The following ERF variants were observed in gnomAD, a reference collection of about 807,000 sequenced individuals.
The protein encoded by ERF is ETS2 repressor factor, also known as ETS domain-containing transcription factor ERF.
A neutral mutation model predicts 41.6 loss-of-function variants in ERF; 10 were observed. The ratio of observed to expected loss-of-function variants is 0.24; its 90% CI spans 0.15 to 0.41. The LOEUF (loss-of-function observed/expected upper bound fraction) is 0.41, where lower values mean the gene tolerates loss of function less well. ERF is among the 10% of genes least tolerant of loss of function. The pLI is 1.00. For missense variants in ERF, 621 were observed against 763.2 expected (o/e 0.81, Z 2.19); for synonymous variants, 395 against 342.4 (o/e 1.15, Z -1.70).
At position 42,248,568 on chromosome 19, in the gene ERF, C is replaced by T. The variant is rs1455599534; in HGVS notation, c.1544G>A (p.Gly515Glu). 1 of 1,575,090 alleles carries T rather than the reference C, an allele frequency of 6.3e-7. No homozygotes were observed. Among genetic ancestry groups the T allele is most frequent in the African/African-American group, 1.4e-5 (1 of 73,674 alleles). ...EDEGEDKKVR[G>E]EGPGEAGGPL... Reference sequence around the variant, plus strand: ...CCCCCCAGCCTCCCCAGGCCCCTCCCCACGCACCTTCTTGTCCTCACCCTC... The same window carrying T: ...CCCCCCAGCCTCCCCAGGCCCCTCCTCACGCACCTTCTTGTCCTCACCCTC... The change falls in exon 4 of 4, where the codon GGG (glycine) becomes GAG (glutamate). Residue 515 changes from glycine (G) to glutamate (E), a missense_variant. Gly to Glu is a moderately conservative substitution (Grantham distance 98, BLOSUM62 -2). Transcript: ENST00000222329. The surrounding 1 kb of genome is among the most constrained non-coding windows in gnomAD (Gnocchi z 4.2).
At chr19:42,254,956 C>T in intron 1 of ERF, 22 bp downstream of exon 1, 1 of 1,509,018 alleles carries the variant, frequency 6.6e-7, no homozygotes, top group African/African-American at 1.5e-5. Context: ...GTCTCCCCCA[C>T]ACGTGCTGCC....
intron 1 of ERF, chr19:42,253,966 G>A (rs2036490769): frequency 3.0e-6 from 3 of 1,014,680 alleles, no homozygotes; most frequent in East Asian, 1.1e-4. Context: ...GGATTCCGAC[G>A]GGGTAGACGG....
In ERF at chr19:42,248,537, G is replaced by A. The variant is rs1300443969; in HGVS notation, c.1575C>T (p.Leu525=). ...GEGPGEAGGP[L]TPRRVSSDLQ... ...GGTCAGAGCTCACCCGCCTTGGGGT[G>A]AGGGGCCCCCCAGCCTCCCCAGGCC... Residue 525 remains leucine, a synonymous_variant, in exon 4 of 4, where the codon CTC becomes CTT. Coordinates refer to ENST00000222329, the MANE Select transcript of ERF (RefSeq NM_006494.4). The surrounding 1 kb of genome is among the most constrained non-coding windows in gnomAD (Gnocchi z 4.2). 1 of 1,548,016 alleles carries A rather than the reference G, an allele frequency of 6.5e-7. No individual in the cohort carries two copies. Among genetic ancestry groups the A allele is most frequent in the Non-Finnish European group, 8.7e-7 (1 of 1,149,528 alleles).
In ERF at chr19:42,248,447, G is replaced by T; in HGVS notation, c.*18C>A. On this transcript the variant is annotated 3_prime_UTR_variant, in exon 4 of 4. Coordinates refer to ENST00000222329, the MANE Select transcript of ERF (RefSeq NM_006494.4). The surrounding 1 kb of genome is among the most constrained non-coding windows in gnomAD (Gnocchi z 4.2). Reference sequence around the variant, plus strand: ...AGCATGGGGGGTGCGGGGCACACAGGTCCCCTGCCCACAGCCCTCAGGAGT... The same window carrying T: ...AGCATGGGGGGTGCGGGGCACACAGTTCCCCTGCCCACAGCCCTCAGGAGT... 6.8e-7 allele frequency: 1 copy of T among 1,471,772 alleles called. No individual in the cohort carries two copies. Among genetic ancestry groups the T allele is most frequent in the Non-Finnish European group, 9.0e-7 (1 of 1,112,032 alleles). The allele number at this position is 1,471,772 out of a possible 1,614,324, so 91.2% of individuals were successfully genotyped here.
chr19:42,254,593 C>G (rs1344338565), intron 1 of ERF: 4 of 194,342 alleles, frequency 2.1e-5, no homozygotes, highest in Admixed American at 6.3e-5. Flanking sequence ...CAGCGCAGAA[C>G]CAGGGATAGC....
At chr19:42,252,938 G>A (rs934344627) in intron 1 of ERF, among the ~76,000 whole-genome samples, 6 of 152,188 alleles carry the variant, frequency 3.9e-5, no homozygotes, top group African/African-American at 1.4e-4. Context: ...CAGTGAGGCA[G>A]GGAGAGAGCA....
intron 1 of ERF, among the ~76,000 whole-genome samples, chr19:42,253,218 G>C (rs1035751798): frequency 3.9e-5 from 6 of 152,134 alleles, no homozygotes; most frequent in Non-Finnish European, 7.4e-5. Flanking sequence ...CCGGCCTCCT[G>C]GGGGGCCCCA....
chr19:42,248,531 T>C lies in ERF; in HGVS notation c.1581A>G (p.Pro527=). Residue 527 remains proline (P), a synonymous_variant, in exon 4 of 4, where the codon CCA becomes CCG. Transcript: ENST00000222329. This position sits in a 1 kb window ranked among gnomAD's most constrained non-coding sequence, Gnocchi z 4.2. ...GPGEAGGPLT[P]RRVSSDLQHA... ...GCTGGAGGTCAGAGCTCACCCGCCT[T>C]GGGGTGAGGGGCCCCCCAGCCTCCC... 6.5e-7 allele frequency: 1 copy of C among 1,543,996 alleles called. No homozygotes were observed. Among genetic ancestry groups the C allele is most frequent in the Non-Finnish European group, 8.7e-7 (1 of 1,147,690 alleles).
intron 1 of ERF, among the ~76,000 whole-genome samples, chr19:42,254,386 G>A (rs1470328819): frequency 6.6e-6 from 1 of 151,982 alleles, no homozygotes; most frequent in Admixed American, 6.5e-5. Flanking sequence ...GAACGTTCGG[G>A]CTGCGCTTTG....
intron 1 of ERF, chr19:42,253,694 C>A (rs2036483530): frequency 4.3e-6 from 1 of 233,994 alleles, no homozygotes; most frequent in Non-Finnish European, 7.0e-6. Context: ...CTCCTCGGTC[C>A]GGGTCCCAAT....
intron 1 of ERF, among the ~76,000 whole-genome samples, chr19:42,252,830 G>GT (rs1230667499): frequency 1.3e-5 from 2 of 152,226 alleles, no homozygotes; most frequent in African/African-American, 4.8e-5. Flanking sequence ...GGGAGCATGT[G>GT]TGAGTGTGCT....
rs747844852 is a variant in ERF, at chr19:42,248,943, G to A, written c.1169C>T (p.Ala390Val). 6.2e-7 allele frequency: 1 copy of A among 1,606,284 alleles called. No individual in the cohort carries two copies. Among genetic ancestry groups the A allele is most frequent in the South Asian group, 1.1e-5 (1 of 91,062 alleles). ...ACCGGCTACGGCCTTCTCCCCAGCTGCCCGCTGCCGGCGTCCGAGTGGGGG... is the reference window on the plus strand; with the variant it reads ...ACCGGCTACGGCCTTCTCCCCAGCTACCCGCTGCCGGCGTCCGAGTGGGGG... ...QPPPLGRRQR[A>V]AGEKAVAGAD... Residue 390 changes from alanine to valine, a missense_variant, in exon 4 of 4, where the codon GCA (alanine) becomes GTA (valine). Ala to Val is a moderately conservative substitution (Grantham distance 64). Coordinates refer to ENST00000222329, the MANE Select transcript of ERF (RefSeq NM_006494.4). This position sits in a 1 kb window ranked among gnomAD's most constrained non-coding sequence, Gnocchi z 4.2.
Position 42,249,994 on chromosome 19 carries a change from T to C in ERF, c.258-52A>G, listed in dbSNP as rs750915227. ...AGGTCAGGTACGTGGGACCCAGGTC[T>C]AGACTCCACACCTTAACACGCACTT... On this transcript the variant is annotated intron_variant, in intron 2 of 3. Coordinates refer to ENST00000222329, the MANE Select transcript of ERF (RefSeq NM_006494.4). The surrounding 1 kb of genome is among the most constrained non-coding windows in gnomAD (Gnocchi z 8.6). 12 of 1,511,840 alleles carry C rather than the reference T, an allele frequency of 7.9e-6. No individual in the cohort carries two copies. The highest frequency in any genetic ancestry group is 1.1e-5 in the Non-Finnish European group (12 of 1,087,312). 93.7% of individuals were successfully genotyped at this position (1,511,840 alleles called of 1,614,324 possible).
In ERF at chr19:42,251,182, G is replaced by C. The variant is rs1489478326; in HGVS notation, c.23-617C>G. 3.1e-6 allele frequency: 3 copies of C among 978,428 alleles called. No homozygotes were observed. In the East Asian group the frequency reaches 3.4e-4, roughly 112 times the overall value. The allele number at this position is 978,428 out of a possible 1,614,324, so 60.6% of individuals were successfully genotyped here. A position where few individuals can be genotyped will look rare whatever the true frequency, so the allele number is the denominator to read the frequency against. ...TGTCTTCCCTGGAGAGTGAAACCCA[G>C]ACTGTCTGAGAGGCCCCCCAAGCCC... On this transcript the variant is annotated intron_variant, in intron 1 of 3. Transcript: ENST00000222329.
At chr19:42,253,635 C>T (rs879329007) in intron 1 of ERF, among the ~76,000 whole-genome samples, 1 of 151,974 alleles carries the variant, frequency 6.6e-6, no homozygotes, top group Non-Finnish European at 1.5e-5. Flanking sequence ...GTAGGACGCA[C>T]GTGACTGACC....
intron 1 of ERF, among the ~76,000 whole-genome samples, chr19:42,251,790 A>G (rs1176530404): frequency 6.6e-6 from 1 of 152,094 alleles, no homozygotes; most frequent in Admixed American, 6.5e-5. Flanking sequence ...CCCCTTGGGA[A>G]TCCAGGGAAT....
chr19:42,252,146 G>A (rs746933261), intron 1 of ERF, among the ~76,000 whole-genome samples: 1 of 152,130 alleles, frequency 6.6e-6, no homozygotes, highest in Non-Finnish European at 1.5e-5. Context: ...AAGGCCCAGG[G>A]TCCTTTGGAA....
chr19:42,252,904 G>A (rs1008019223), intron 1 of ERF, among the ~76,000 whole-genome samples: 8 of 152,130 alleles, frequency 5.3e-5, no homozygotes, highest in African/African-American at 1.9e-4. Context: ...GCTTGGGGGT[G>A]CGGGACCTCG....
intron 1 of ERF, 85 bp downstream of exon 1, chr19:42,254,893 C>T: frequency 6.3e-6 from 9 of 1,418,240 alleles, no homozygotes; most frequent in South Asian, 1.4e-5. Context: ...CGGGCTCCCC[C>T]GGACCCCTTC....
Sources: allele counts gnomAD v4.1 joint callset (sites outside exome capture counted in the v4.1 genomes callset), GRCh38; gene constraint gnomAD v4.1.1; non-coding constraint Gnocchi (gnomAD v3.1); transcripts MANE v1.5; gene names NCBI Gene and HGNC (gene_info 2026-07-23, HGNC 2026-07-21).